The following KCND3 variants were observed in gnomAD, a reference collection of about 807,000 sequenced individuals.
KCND3 encodes the protein A-type voltage-gated potassium channel KCND3.
Under a neutral mutation model 51.1 loss-of-function variants are expected in KCND3, and 9 were observed. That is an observed-to-expected ratio of 0.18 (90% CI 0.11 to 0.31). The LOEUF (loss-of-function observed/expected upper bound fraction) is 0.31. KCND3 is among the 10% of genes least tolerant of loss of function. The pLI is 1.00. For missense variants in KCND3, 526 were observed against 903.8 expected, an observed-to-expected ratio of 0.58 and a Z score of 5.36; for synonymous variants, 349 against 368.0, an observed-to-expected ratio of 0.95 and a Z score of 0.59.
At chr1:111,856,099 G>A (rs1003534290) in intron 2 of KCND3, among the ~76,000 whole-genome samples, 7 of 152,224 alleles carry the variant, frequency 4.6e-5, no homozygotes, top group Admixed American at 6.5e-5. Context: ...AGACCTGGAC[G>A]GAGACCCTCC....
At chr1:111,897,554 G>A (rs546951263) in intron 2 of KCND3, among the ~76,000 whole-genome samples, 9 of 152,364 alleles carry the variant, frequency 5.9e-5, no homozygotes, top group Non-Finnish European at 8.8e-5. Context: ...CAGGAGCGGA[G>A]TGTGTCTAGC....
chr1:111,909,583 G>A (rs959957915), intron 2 of KCND3: 4 of 152,230 alleles, frequency 2.6e-5, no homozygotes, highest in Admixed American at 6.5e-5. Flanking sequence ...AGTTCTTTTC[G>A]GTGCCGAGAA....
At chr1:111,870,653 T>C (rs1668789591) in intron 2 of KCND3, among the ~76,000 whole-genome samples, 2 of 152,060 alleles carry the variant, frequency 1.3e-5, no homozygotes, top group Non-Finnish European at 2.9e-5. Context: ...AGCAGCCATA[T>C]AAGCCAATAA....
chr1:111,830,610 G>A (rs535828226), intron 2 of KCND3, among the ~76,000 whole-genome samples: 4 of 152,326 alleles, frequency 2.6e-5, no homozygotes, highest in African/African-American at 9.6e-5. Context: ...TGCTGTGTAA[G>A]GCTGGTTTTC....
intron 2 of KCND3, among the ~76,000 whole-genome samples, chr1:111,976,439 G>C (rs903616045): frequency 6.6e-6 from 1 of 152,170 alleles, no homozygotes; most frequent in Non-Finnish European, 1.5e-5. Context: ...CACATTCATC[G>C]GTTCTCATAT....
At chr1:111,919,986 A>G (rs142049092) in intron 2 of KCND3, among the ~76,000 whole-genome samples, 166 of 152,288 alleles carry the variant, frequency 1.1e-3, no homozygotes, top group Non-Finnish European at 2.0e-3. Flanking sequence ...CTGCTATAAC[A>G]TCTCCCTCTC....
chr1:111,909,096 C>T (rs1488161360), intron 2 of KCND3, among the ~76,000 whole-genome samples: 6 of 152,022 alleles, frequency 3.9e-5, no homozygotes, highest in African/African-American at 1.4e-4. Flanking sequence ...TCTTCCTGGG[C>T]ACAAGAGGGT....
At chr1:111,884,902 G>T (rs940308947) in intron 2 of KCND3, among the ~76,000 whole-genome samples, 5 of 152,072 alleles carry the variant, frequency 3.3e-5, no homozygotes, top group Admixed American at 6.5e-5. Context: ...TTTGTTGGGG[G>T]TGAGTATGGC....
chr1:111,952,066 C>T (rs1212371320), intron 2 of KCND3, among the ~76,000 whole-genome samples: 2 of 152,228 alleles, frequency 1.3e-5, no homozygotes, highest in Non-Finnish European at 2.9e-5. Flanking sequence ...CAGGGCACAT[C>T]TGCATCCAAG....
chr1:111,896,050 C>T (rs1347677653), intron 2 of KCND3, among the ~76,000 whole-genome samples: 2 of 152,210 alleles, frequency 1.3e-5, no homozygotes, highest in Non-Finnish European at 2.9e-5. Context: ...GAGCTGACTG[C>T]GGGCAACATG....
intron 2 of KCND3, among the ~76,000 whole-genome samples, chr1:111,931,662 G>A (rs1399509819): frequency 6.6e-6 from 1 of 152,202 alleles, no homozygotes; most frequent in East Asian, 1.9e-4. Context: ...ATTATGGGGA[G>A]CTTGTAAGTC....
At chr1:111,984,767 G>A (rs954474962) in intron 1 of KCND3, among the ~76,000 whole-genome samples, 5 of 152,042 alleles carry the variant, frequency 3.3e-5, no homozygotes, top group African/African-American at 1.2e-4. Context: ...ACAGACCCTG[G>A]GGAGGTCTGC....
intron 2 of KCND3, among the ~76,000 whole-genome samples, chr1:111,872,576 C>T (rs1368805729): frequency 2.6e-5 from 4 of 151,438 alleles, no homozygotes; most frequent in Non-Finnish European, 4.4e-5. Context: ...AGGGATACTA[C>T]TGCGTCTTTT....
intron 1 of KCND3, among the ~76,000 whole-genome samples, chr1:111,988,476 A>G (rs1675417918): frequency 6.6e-6 from 1 of 152,134 alleles, no homozygotes; most frequent in South Asian, 2.1e-4. Context: ...AGAGACGAGG[A>G]AAAAATAAAC....
intron 2 of KCND3, among the ~76,000 whole-genome samples, chr1:111,876,700 C>G (rs1177026092): frequency 6.6e-6 from 1 of 152,194 alleles, no homozygotes; most frequent in East Asian, 1.9e-4. Context: ...GGCAAAGAGA[C>G]AGATTTTGTT....
At chr1:111,946,183 T>C (rs1165017714) in intron 2 of KCND3, among the ~76,000 whole-genome samples, 2 of 152,228 alleles carry the variant, frequency 1.3e-5, no homozygotes, top group Non-Finnish European at 2.9e-5. Context: ...GGTGGGCCCA[T>C]GCTCAGAGTA....
intron 2 of KCND3, among the ~76,000 whole-genome samples, chr1:111,931,288 T>A (rs1393298497): frequency 6.6e-6 from 1 of 152,160 alleles, no homozygotes; most frequent in Non-Finnish European, 1.5e-5. Context: ...ACACTTCTGA[T>A]AATACCTTCT....
rs1663984014 is a variant in KCND3, at chr1:111,773,159, G to C, written c.*2918C>G. 1 of 152,190 alleles carries C rather than the reference G, an allele frequency of 6.6e-6. No homozygotes were observed. The highest frequency in any genetic ancestry group is 2.4e-5 in the African/African-American group (1 of 41,440). The allele number at this position is 152,190 out of a possible 1,614,324, so 9.4% of individuals were successfully genotyped here. A position where few individuals can be genotyped will look rare whatever the true frequency, so the allele number is the denominator to read the frequency against. On this transcript the variant is annotated 3_prime_UTR_variant, in exon 8 of 8. Coordinates refer to ENST00000302127, the MANE Select transcript of KCND3 (RefSeq NM_001378969.1). ...TCTTTTAGGAAGTGGCATGACGTGG[G>C]CTCTGAACGTGAAGTGGAAGGAACA...
chr1:111,982,936 CA>C lies in KCND3; in HGVS notation c.-72-139del. The C allele has an allele frequency of 1.5e-6, 1 of 665,898 alleles. No individual in the cohort carries two copies. The highest frequency in any genetic ancestry group is 1.9e-5 in the South Asian group (1 of 53,448). 41.2% of individuals were successfully genotyped at this position (665,898 alleles called of 1,614,324 possible). On this transcript the variant is annotated intron_variant, in intron 1 of 7. Coordinates refer to ENST00000302127, the MANE Select transcript of KCND3 (RefSeq NM_001378969.1). The surrounding 1 kb of genome is among the most constrained non-coding windows in gnomAD (Gnocchi z 8.5). ...AGATTAATAAAACTGAAATCCCCAC[CA>C]CAGAGAGGGGACTTGATTCTTTGCC...
Sources: gnomAD v4.1 joint callset for allele counts (sites outside exome capture counted in the v4.1 genomes callset) on GRCh38, gnomAD v4.1.1 for gene constraint, Gnocchi (gnomAD v3.1) non-coding constraint, MANE v1.5 for transcripts, NCBI Gene and HGNC (gene_info 2026-07-23, HGNC 2026-07-21) for gene names.